Variants in RGPD3 observed in about 807,000 individuals in gnomAD.
The protein encoded by RGPD3 is ranBP2-like and GRIP domain-containing protein 3.
A neutral mutation model predicts 154.5 loss-of-function variants in RGPD3; 62 were observed. That is an observed-to-expected ratio of 0.40 (90% CI 0.33 to 0.50). The LOEUF (loss-of-function observed/expected upper bound fraction) is 0.50, where lower values mean the gene tolerates loss of function less well. Among genes scored for constraint, RGPD3 ranks in the 20% least tolerant of loss-of-function variants. RGPD3 has a pLI of 0.59. For missense variants in RGPD3, 919 were observed against 1,716.8 expected, an observed-to-expected ratio of 0.54 and a Z score of 8.21; for synonymous variants, 308 against 607.0, an observed-to-expected ratio of 0.51 and a Z score of 7.24.
At chr2:106,430,310 C>T (rs964570354) in intron 17 of RGPD3, among the ~76,000 whole-genome samples, 1 of 149,072 alleles carries the variant, frequency 6.7e-6, no homozygotes. Flanking sequence ...AAACTTAATT[C>T]ATTAACTCTC....
Position 106,423,737 on chromosome 2 carries a change from T to G in RGPD3, c.4230A>C (p.Arg1410Ser). The G allele has an allele frequency of 6.2e-7, 1 of 1,611,858 alleles. No homozygotes were observed. Among genetic ancestry groups the G allele is most frequent in the South Asian group, 1.1e-5 (1 of 90,962 alleles). The change falls in exon 20 of 23, where the codon AGA becomes AGC. Residue 1410 changes from arginine to serine, a missense_variant. Physicochemically the swap from Arg to Ser is moderately radical, Grantham distance 110 (BLOSUM62 -1). Coordinates refer to ENST00000409886, the MANE Select transcript of RGPD3 (RefSeq NM_001144013.2). Reference protein sequence around the residue: ...DQVLKLCANHRITPDMSLQNM... With the variant: ...DQVLKLCANHSITPDMSLQNM... ...TTTGCAAACTCATGTCTGGAGTTATTCTGTGATTGGCACAAAGTTTTAATA... is the reference window on the plus strand; with the variant it reads ...TTTGCAAACTCATGTCTGGAGTTATGCTGTGATTGGCACAAAGTTTTAATA...
intron 1 of RGPD3, among the ~76,000 whole-genome samples, chr2:106,467,961 C>G (rs561519581): frequency 1.9e-3 from 260 of 133,586 alleles, no homozygotes; most frequent in African/African-American, 6.2e-3. Context: ...CCTGAGCCAT[C>G]GAGGCCGCCG....
At chr2:106,467,859 C>G (rs1573311737) in intron 1 of RGPD3, among the ~76,000 whole-genome samples, 1 of 139,302 alleles carries the variant, frequency 7.2e-6, no homozygotes, top group African/African-American at 2.8e-5. Context: ...GGAGCCATGA[C>G]GCCTGAGCCA....
chr2:106,457,208 A>G, intron 3 of RGPD3, 85 bp from the exon 4 acceptor site: 2 of 1,512,986 alleles, frequency 1.3e-6, no homozygotes. Flanking sequence ...CTTATATATA[A>G]AGGTTAAAAA....
In RGPD3 at chr2:106,457,048, T is replaced by A. The variant is rs2104511847; in HGVS notation, c.328A>T (p.Thr110Ser). Residue 110 changes from threonine to serine, a missense_variant, in exon 4 of 23, where the codon ACT becomes TCT. By Grantham distance (58) the Thr-to-Ser change is moderately conservative. Coordinates refer to ENST00000409886, the MANE Select transcript of RGPD3 (RefSeq NM_001144013.2). ...IAELLCKNDV[T>S]DGRAEYWVER... ...ACCCAGTATTCTGCTCTTCCATCAG[T>A]AACATCATTTTTACAAAGCAATTCT... 4 of 1,611,638 alleles carry A rather than the reference T, an allele frequency of 2.5e-6. No individual in the cohort carries two copies. In the East Asian group the frequency reaches 8.9e-5, roughly 36 times the overall value.
chr2:106,418,448 G>A (rs974986091), intron 20 of RGPD3, among the ~76,000 whole-genome samples: 7 of 151,968 alleles, frequency 4.6e-5, no homozygotes, highest in African/African-American at 1.7e-4. Context: ...TACCTCTGCA[G>A]CTTCGTAATT....
intron 22 of RGPD3, among the ~76,000 whole-genome samples, 162 bp from the exon 23 acceptor site, chr2:106,405,391 T>G (rs1676483475): frequency 6.8e-6 from 1 of 147,494 alleles, no homozygotes; most frequent in Non-Finnish European, 1.5e-5. Flanking sequence ...TTTTTTTTTT[T>G]TTGAGACAGG....
chr2:106,466,366 CG>C lies in RGPD3; in HGVS notation c.72+1850del, dbSNP rs571959230. Among the ~76,000 whole-genome samples the C allele has an allele frequency of 6.4e-4, 86 of 135,110 alleles. 1 individual carries two copies. The highest frequency in any genetic ancestry group is 2.2e-3 in the African/African-American group (79 of 35,288). 88.6% of individuals were successfully genotyped at this position (135,110 alleles called of 152,430 possible). On this transcript the variant is annotated intron_variant, in intron 1 of 22. Transcript: ENST00000409886. ...ACGCCTGAGCCATCGAGGCCGCCGC[CG>C]GGCCGGGTCCAGGCCACCGCCTCAA...
rs759650385 is a variant in RGPD3, at chr2:106,434,301, T to C, written c.2132A>G (p.Tyr711Cys). 5 of 1,608,376 alleles carry C rather than the reference T, an allele frequency of 3.1e-6. No individual in the cohort carries two copies. The East Asian group carries it at 9.0e-5, about 29-fold the overall frequency. Reference sequence around the variant, plus strand: ...TAGGTAGCCCCTGGTCTTTCTCAGATAATTTTTGCATTCTTCTTGTTCTTC... The same window carrying C: ...TAGGTAGCCCCTGGTCTTTCTCAGACAATTTTTGCATTCTTCTTGTTCTTC... ...SPEEQEECKN[Y>C]LRKTRGYLIK... Residue 711 changes from tyrosine (Y) to cysteine (C), a missense_variant, in exon 15 of 23, where the codon TAT becomes TGT. Tyr to Cys is a radical substitution (Grantham distance 194). Coordinates refer to ENST00000409886, the MANE Select transcript of RGPD3 (RefSeq NM_001144013.2).
Position 106,441,391 on chromosome 2 carries a change from T to G in RGPD3, c.979-11A>C. The stretch of plus-strand genomic sequence containing the variant: ...CTTTGGTCTTGGAACCTAATAATTT[T>G]AGAATCAAAAATCTTAATTTGATGA... On this transcript the variant is annotated splice_polypyrimidine_tract_variant and intron_variant, in intron 7 of 22. Coordinates refer to ENST00000409886, the MANE Select transcript of RGPD3 (RefSeq NM_001144013.2). 7.0e-7 allele frequency: 1 copy of G among 1,419,220 alleles called. No homozygotes were observed. The highest frequency in any genetic ancestry group is 1.5e-5 in the African/African-American group (1 of 68,240). 87.9% of individuals were successfully genotyped at this position (1,419,220 alleles called of 1,614,324 possible).
intron 22 of RGPD3, among the ~76,000 whole-genome samples, chr2:106,410,207 G>A (rs113017590): frequency 1.3e-5 from 2 of 152,112 alleles, no homozygotes; most frequent in African/African-American, 4.8e-5. Context: ...AAAATGTAAG[G>A]TATCTAAATC....
chr2:106,422,072 T>C (rs1278644428), intron 20 of RGPD3, among the ~76,000 whole-genome samples: 4 of 152,176 alleles, frequency 2.6e-5, no homozygotes, highest in African/African-American at 7.2e-5. Context: ...GCTAGTTCTA[T>C]ACCTTTGCTC....
Position 106,423,731 on chromosome 2 carries a change from A to T in RGPD3, c.4236T>A (p.Thr1412=). ...TCATATTTTGCAAACTCATGTCTGG[A>T]GTTATTCTGTGATTGGCACAAAGTT... ...VLKLCANHRI[T]PDMSLQNMKG... Residue 1412 remains threonine, a synonymous_variant, in exon 20 of 23, where the codon ACT becomes ACA. Transcript: ENST00000409886. 6.2e-7 allele frequency: 1 copy of T among 1,611,700 alleles called. No individual in the cohort carries two copies. Among genetic ancestry groups the T allele is most frequent in the Non-Finnish European group, 8.5e-7 (1 of 1,179,800 alleles).
At chr2:106,415,765 A>G in intron 21 of RGPD3, 85 bp downstream of exon 21, 1 of 1,596,840 alleles carries the variant, frequency 6.3e-7, no homozygotes, top group Admixed American at 1.7e-5. Context: ...CTGCAATGTG[A>G]ATTTTTAAAC....
rs766988446 is a variant in RGPD3, at chr2:106,424,133, C to A, written c.3834G>T (p.Val1278=). Residue 1278 remains valine, a synonymous_variant, in exon 20 of 23, where the codon GTG becomes GTT. Transcript: ENST00000409886. ...CATCAAAGTGGAAAAGATTTTTTCT[C>A]ACAGGGCTACTTGCCAATGGAGAAG... The part of the protein sequence containing the change: ...VHASPLASSP[V]RKNLFHFDES... 1 of 1,600,986 alleles carries A rather than the reference C, an allele frequency of 6.2e-7. No homozygotes were observed. Among genetic ancestry groups the A allele is most frequent in the Non-Finnish European group, 8.5e-7 (1 of 1,173,744 alleles).
rs548104194 is a variant in RGPD3, at chr2:106,441,235, T to C, written c.1066+58A>G. On this transcript the variant is annotated intron_variant, in intron 8 of 22. Coordinates refer to ENST00000409886, the MANE Select transcript of RGPD3 (RefSeq NM_001144013.2). Reference sequence around the variant, plus strand: ...CAGACTGAGATTTTATCATAAGATATGCCTTAACAGAAATTCCTTTTTCTT... The same window carrying C: ...CAGACTGAGATTTTATCATAAGATACGCCTTAACAGAAATTCCTTTTTCTT... 9.0e-4 allele frequency: 1,410 copies of C among 1,572,814 alleles called. 3 individuals carry two copies. Among genetic ancestry groups the C allele is most frequent in the Non-Finnish European group, 1.2e-3 (1,343 of 1,161,524 alleles).
intron 18 of RGPD3, among the ~76,000 whole-genome samples, 196 bp downstream of exon 18, chr2:106,429,450 T>C (rs1427839410): frequency 6.6e-6 from 1 of 150,640 alleles, no homozygotes; most frequent in African/African-American, 2.5e-5. Flanking sequence ...CGTGATCACA[T>C]ACGGCTCGTT....
intron 22 of RGPD3, among the ~76,000 whole-genome samples, 191 bp from the exon 23 acceptor site, chr2:106,405,420 G>C (rs1676484881): frequency 6.9e-6 from 1 of 143,946 alleles, no homozygotes; most frequent in Non-Finnish European, 1.5e-5. Flanking sequence ...CTGTCACCCA[G>C]GCTGGAGTGC....
chr2:106,465,302 T>A, intron 1 of RGPD3, among the ~76,000 whole-genome samples: 1 of 152,218 alleles, frequency 6.6e-6, no homozygotes, highest in Non-Finnish European at 1.5e-5. Flanking sequence ...GTTCCAAAGT[T>A]ACTCACTAGT....
Sources: allele counts gnomAD v4.1 joint callset (sites outside exome capture counted in the v4.1 genomes callset), GRCh38; gene constraint gnomAD v4.1.1; transcripts MANE v1.5; gene names NCBI Gene and HGNC (gene_info 2026-07-23, HGNC 2026-07-21).